The following CCNF variants were observed in gnomAD, a reference collection of about 807,000 sequenced individuals.
CCNF encodes the protein cyclin F.
Under a neutral mutation model 85.4 loss-of-function variants are expected in CCNF, and 30 were observed. That is an observed-to-expected ratio of 0.35 (90% CI 0.26 to 0.48). CCNF has a LOEUF of 0.48. Among genes scored for constraint, CCNF ranks in the 20% least tolerant of loss-of-function variants. The pLI, the probability that CCNF is intolerant of heterozygous loss-of-function variation, is 0.99. For synonymous variants in CCNF, 439 were observed against 425.1 expected (o/e 1.03, Z -0.40); for missense variants, 919 against 1,010.4 (o/e 0.91, Z 1.23).
rs1399376365 is a variant in CCNF, at chr16:2,451,261, C to G, written c.1487+1346C>G. Among the ~76,000 whole-genome samples the G allele has an allele frequency of 6.6e-6, 1 of 152,184 alleles. No individual in the cohort carries two copies. The highest frequency in any genetic ancestry group is 1.5e-5 in the Non-Finnish European group (1 of 68,024). ...TGGCGCGGGCGGGGGCGACTCCCTT[C>G]AGGGAGCGTAGCCGGGGTCACCTGG... is the stretch of plus-strand genomic sequence containing the variant. On this transcript the variant is annotated intron_variant, in intron 13 of 16. Coordinates refer to ENST00000397066, the MANE Select transcript of CCNF (RefSeq NM_001761.3). The surrounding 1 kb of genome is among the most constrained non-coding windows in gnomAD (Gnocchi z 4.3).
chr16:2,437,659 C>A lies in CCNF; in HGVS notation c.540+337C>A, dbSNP rs914599275. The stretch of plus-strand genomic sequence containing the variant: ...ATCCTAGCACTTTGGGAGGCCGAGG[C>A]TGGAGAATTGCTTGTGGCCAGGTGT... On this transcript the variant is annotated intron_variant, in intron 5 of 16. Coordinates refer to ENST00000397066, the MANE Select transcript of CCNF (RefSeq NM_001761.3). 4.9e-5 allele frequency: 16 copies of A among 328,010 alleles called. No homozygotes were observed. In the South Asian group the frequency reaches 7.2e-4, roughly 15 times the overall value. The allele number at this position is 328,010 out of a possible 1,614,324, so 20.3% of individuals were successfully genotyped here.
intron 13 of CCNF, among the ~76,000 whole-genome samples, chr16:2,450,550 C>A (rs990165149): frequency 6.6e-6 from 1 of 150,976 alleles, no homozygotes; most frequent in African/African-American, 2.4e-5. Context: ...TTATCTCACA[C>A]ATTTTTCACA....
chr16:2,435,612 T>C (rs1199550118), intron 3 of CCNF, among the ~76,000 whole-genome samples, 194 bp from the exon 4 acceptor site: 1 of 107,504 alleles, frequency 9.3e-6, no homozygotes, highest in Non-Finnish European at 1.9e-5. Flanking sequence ...TATATATATA[T>C]GCACACACAC....
Position 2,451,245 on chromosome 16 carries a change from CG to C in CCNF, c.1487+1335del, listed in dbSNP as rs1462543199. Among the ~76,000 whole-genome samples the C allele has an allele frequency of 6.6e-6, 1 of 152,130 alleles. No individual in the cohort carries two copies. Among genetic ancestry groups the C allele is most frequent in the Non-Finnish European group, 1.5e-5 (1 of 68,028 alleles). On this transcript the variant is annotated intron_variant, in intron 13 of 16. Coordinates refer to ENST00000397066, the MANE Select transcript of CCNF (RefSeq NM_001761.3). The surrounding 1 kb of genome is among the most constrained non-coding windows in gnomAD (Gnocchi z 4.3). ...AGGCGCGCGGGGCAGGTGGCGCGGG[CG>C]GGGGCGACTCCCTTCAGGGAGCGTA...
intron 8 of CCNF, 50 bp downstream of exon 8, chr16:2,439,876 G>C: frequency 6.6e-7 from 1 of 1,519,450 alleles, no homozygotes; most frequent in South Asian, 1.1e-5. Context: ...TCTCCCTCCA[G>C]CCTTGGGGCA....
chr16:2,455,312 G>A (rs1418987627), intron 15 of CCNF, 83 bp from the exon 16 acceptor site: 1 of 1,460,032 alleles, frequency 6.8e-7, no homozygotes, highest in African/African-American at 1.4e-5. Context: ...GGGGCACGCG[G>A]GTGTTAGAGG....
chr16:2,434,566 G>C (rs1293946850), intron 3 of CCNF, among the ~76,000 whole-genome samples: 1 of 152,176 alleles, frequency 6.6e-6, no homozygotes, highest in Non-Finnish European at 1.5e-5. Flanking sequence ...AGCCGAGATC[G>C]CACCACTGCA....
intron 10 of CCNF, among the ~76,000 whole-genome samples, chr16:2,447,950 G>A (rs1662078776): frequency 6.6e-6 from 1 of 152,204 alleles, no homozygotes; most frequent in South Asian, 2.1e-4. Flanking sequence ...AATGACGCAT[G>A]CAACCTGCAG....
chr16:2,439,854 G>A (rs2065311958), intron 8 of CCNF, 28 bp downstream of exon 8: 1 of 1,597,340 alleles, frequency 6.3e-7, no homozygotes, highest in South Asian at 1.1e-5. Flanking sequence ...GATGACGTGG[G>A]GAGCTGGCCT....
At chr16:2,432,116 C>T (rs1486870819) in intron 2 of CCNF, among the ~76,000 whole-genome samples, 2 of 152,186 alleles carry the variant, frequency 1.3e-5, no homozygotes, top group Non-Finnish European at 2.9e-5. Context: ...AGGCATGAGC[C>T]ACTGCACCCG....
At chr16:2,435,332 C>T (rs975168232) in intron 3 of CCNF, among the ~76,000 whole-genome samples, 20 of 151,272 alleles carry the variant, frequency 1.3e-4, no homozygotes, top group African/African-American at 4.6e-4. Flanking sequence ...AATCCCAGCA[C>T]TTTATGAGGC....
Position 2,453,880 on chromosome 16 carries a change from C to T in CCNF, c.1715+343C>T, listed in dbSNP as rs2065409582. On this transcript the variant is annotated intron_variant, in intron 15 of 16. Coordinates refer to ENST00000397066, the MANE Select transcript of CCNF (RefSeq NM_001761.3). The surrounding 1 kb of genome is among the most constrained non-coding windows in gnomAD (Gnocchi z 5.6). ...TGGACTTCTCTGCTCCATGATGCTG[C>T]TGTCACTCCCGGCACTCGAGCTGTG... 6.6e-6 allele frequency among the ~76,000 whole-genome samples: 1 copy of T among 152,198 alleles called. No homozygotes were observed. The highest frequency in any genetic ancestry group is 2.4e-5 in the African/African-American group (1 of 41,444).
At chr16:2,438,552 G>T (rs766136327) in intron 6 of CCNF, among the ~76,000 whole-genome samples, 1 of 151,072 alleles carries the variant, frequency 6.6e-6, no homozygotes, top group Admixed American at 6.6e-5. Context: ...GAGGCAGGGA[G>T]AATTGCTTGA....
At chr16:2,439,265 T>A (rs2065308284) in intron 6 of CCNF, 88 bp from the exon 7 acceptor site, 1 of 1,184,472 alleles carries the variant, frequency 8.4e-7, no homozygotes, top group East Asian at 2.6e-5. Flanking sequence ...GCCATTGCAC[T>A]CCAACCTGGG....
chr16:2,437,099 C>T (rs1182428319), intron 4 of CCNF, 30 bp from the exon 5 acceptor site: 2 of 1,525,412 alleles, frequency 1.3e-6, no homozygotes, highest in Non-Finnish European at 1.8e-6. Context: ...TAAGAGACAT[C>T]CCTGGGCTCT....
intron 1 of CCNF, among the ~76,000 whole-genome samples, chr16:2,430,553 C>T (rs1223725066): frequency 1.3e-5 from 2 of 152,154 alleles, no homozygotes; most frequent in Non-Finnish European, 2.9e-5. Context: ...GTCAACTCCG[C>T]ATTCTACAAT....
rs753618927 is a variant in CCNF at position 2,456,789 on chromosome 16, C to T, written c.2130C>T (p.Pro710=). Residue 710 remains proline (P), a synonymous_variant, in exon 17 of 17, where the codon CCC becomes CCT. Transcript: ENST00000397066. The surrounding 1 kb of genome is among the most constrained non-coding windows in gnomAD (Gnocchi z 4.5). Reference sequence around the variant, plus strand: ...ACTCCTCCGTCAGCACCGCAAGTCCCACAAGCTCCGTGGACGGTGGCTTGG... The same window carrying T: ...ACTCCTCCGTCAGCACCGCAAGTCCTACAAGCTCCGTGGACGGTGGCTTGG... The part of the protein sequence containing the change: ...SGYSSVSTAS[P]TSSVDGGLGA... 2 of 1,613,820 alleles carry T rather than the reference C, an allele frequency of 1.2e-6. No individual in the cohort carries two copies. The highest frequency in any genetic ancestry group is 2.7e-5 in the African/African-American group (2 of 75,074).
At chr16:2,430,948 T>C in intron 1 of CCNF, 182 bp from the exon 2 acceptor site, 2 of 768,636 alleles carry the variant, frequency 2.6e-6, no homozygotes, top group East Asian at 4.9e-5. Context: ...ATTTGTGCAA[T>C]GCCACTCCTT....
intron 8 of CCNF, among the ~76,000 whole-genome samples, chr16:2,443,148 T>C (rs556814699): frequency 3.3e-4 from 44 of 133,878 alleles, no homozygotes; most frequent in Middle Eastern, 7.3e-3. Flanking sequence ...TTATATTGTA[T>C]ATAATATATA....
Sources: allele counts gnomAD v4.1 joint callset (sites outside exome capture counted in the v4.1 genomes callset), GRCh38; gene constraint gnomAD v4.1.1; non-coding constraint Gnocchi (gnomAD v3.1); transcripts MANE v1.5; gene names NCBI Gene and HGNC (gene_info 2026-07-23, HGNC 2026-07-21).